Variants in DNAH7 observed in about 807,000 individuals in gnomAD.
DNAH7 encodes the protein dynein axonemal heavy chain 7, also known as axonemal beta dynein heavy chain 7.
In DNAH7, 397 loss-of-function variants were observed where a neutral mutation model predicts 444.6. The ratio of observed to expected loss-of-function variants is 0.89; its 90% CI spans 0.82 to 0.97. The LOEUF (loss-of-function observed/expected upper bound fraction) is 0.97, where lower values mean the gene tolerates loss of function less well. DNAH7 is among the 50% of genes least tolerant of loss of function. The pLI is 0.00. For synonymous variants in DNAH7, 1,636 were observed against 1,624.4 expected, an observed-to-expected ratio of 1.01 and a Z score of -0.17; for missense variants, 4,902 against 4,800.8, an observed-to-expected ratio of 1.02 and a Z score of -0.62.
chr2:196,028,556 A>G (rs1427919187), intron 5 of DNAH7, among the ~76,000 whole-genome samples: 1 of 152,198 alleles, frequency 6.6e-6, no homozygotes, highest in Non-Finnish European at 1.5e-5. Flanking sequence ...TGTATTTATT[A>G]TTGGGTATGT....
chr2:195,936,352 A>C (rs1236728839), intron 20 of DNAH7, among the ~76,000 whole-genome samples: 2 of 152,100 alleles, frequency 1.3e-5, no homozygotes, highest in Admixed American at 1.3e-4. Flanking sequence ...CCAGCCTGGG[A>C]AACAAGAGTG....
intron 40 of DNAH7, among the ~76,000 whole-genome samples, chr2:195,871,597 A>T (rs1018191046): frequency 2.1e-5 from 3 of 143,036 alleles, no homozygotes; most frequent in Non-Finnish European, 4.6e-5. Context: ...TAAGTAATGT[A>T]AAAAAAAAAA....
intron 59 of DNAH7, among the ~76,000 whole-genome samples, chr2:195,776,459 A>AG (rs773057596): frequency 2.6e-5 from 4 of 151,920 alleles, no homozygotes; most frequent in African/African-American, 9.7e-5. Flanking sequence ...AAAAGAAAAG[A>AG]GGAAAAAAAA....
chr2:195,796,497 T>G, intron 56 of DNAH7, 79 bp downstream of exon 56: 1 of 1,496,318 alleles, frequency 6.7e-7, no homozygotes, highest in Non-Finnish European at 9.1e-7. Flanking sequence ...TAGAGGGGAA[T>G]GGAGCTACCC....
At position 196,012,910 on chromosome 2, in the gene DNAH7, C is replaced by T. The variant is rs775948287; in HGVS notation, c.870-4G>A. 1.4e-6 allele frequency: 2 copies of T among 1,473,030 alleles called. No homozygotes were observed. Among genetic ancestry groups the T allele is most frequent in the Non-Finnish European group, 1.8e-6 (2 of 1,108,544 alleles). 91.2% of individuals were successfully genotyped at this position (1,473,030 alleles called of 1,614,324 possible). A position where few individuals can be genotyped will look rare whatever the true frequency, so the allele number is the denominator to read the frequency against. On this transcript the variant is annotated splice_region_variant and splice_polypyrimidine_tract_variant and intron_variant, in intron 9 of 64. Transcript: ENST00000312428. ...GATATCAACTAAACGTAATTTTCTG[C>T]AAAAGATAAAAATAAACAGTAATTT...
chr2:196,047,911 A>C (rs1435654442), intron 4 of DNAH7, among the ~76,000 whole-genome samples: 2 of 152,228 alleles, frequency 1.3e-5, no homozygotes, highest in Admixed American at 6.5e-5. Context: ...AATAATAAAA[A>C]CATTAAAATG....
intron 61 of DNAH7, among the ~76,000 whole-genome samples, chr2:195,767,169 T>C (rs972377743): frequency 1.3e-5 from 2 of 152,150 alleles, no homozygotes; most frequent in African/African-American, 4.8e-5. Context: ...TAAATTTTCA[T>C]TTAAATTTTT....
chr2:195,740,615 GTATATATATATA>G (rs1238331047), intron 64 of DNAH7, 139 bp downstream of exon 64: 1,368 of 71,438 alleles, frequency 0.019, 21 homozygotes, highest in African/African-American at 0.066. Flanking sequence ...GTGTGTGTGT[GTATATATATATA>G]TATATATATA....
intron 20 of DNAH7, among the ~76,000 whole-genome samples, chr2:195,935,752 G>A (rs1435460293): frequency 6.6e-6 from 1 of 152,102 alleles, no homozygotes; most frequent in African/African-American, 2.4e-5. Context: ...GTCAGGGAGG[G>A]CCTCCCTGAA....
intron 54 of DNAH7, among the ~76,000 whole-genome samples, chr2:195,802,256 A>G (rs1312817158): frequency 1.3e-5 from 2 of 152,196 alleles, no homozygotes; most frequent in Non-Finnish European, 2.9e-5. Context: ...CACACCTGTG[A>G]TCCCAGCACT....
intron 9 of DNAH7, 129 bp downstream of exon 9, chr2:196,019,041 T>G: frequency 9.6e-7 from 1 of 1,042,738 alleles, no homozygotes; most frequent in Non-Finnish European, 1.3e-6. Context: ...TTTAAAACCA[T>G]GTTTGAATAC....
chr2:195,922,143 A>G lies in DNAH7; in HGVS notation c.3880T>C (p.Tyr1294His). 3 of 1,613,572 alleles carry G rather than the reference A, an allele frequency of 1.9e-6. No homozygotes were observed. The highest frequency in any genetic ancestry group is 2.5e-6 in the Non-Finnish European group (3 of 1,179,482). Residue 1294 changes from tyrosine to histidine, a missense_variant, in exon 24 of 65, where the codon TAT (tyrosine) becomes CAT (histidine). Coordinates refer to ENST00000312428, the MANE Select transcript of DNAH7 (RefSeq NM_018897.3). ...ACCAGCCTAGGGGAATTACCCAGATATTCATATCCATATCGCAAACCAGCA... is the reference window on the plus strand; with the variant it reads ...ACCAGCCTAGGGGAATTACCCAGATGTTCATATCCATATCGCAAACCAGCA... Reference protein sequence around the residue: ...INAGLRYGYEYLGNSPRLVIT... With the variant: ...INAGLRYGYEHLGNSPRLVIT...
intron 17 of DNAH7, among the ~76,000 whole-genome samples, chr2:195,969,478 G>C (rs1260464874): frequency 2.0e-5 from 3 of 152,148 alleles, no homozygotes; most frequent in Non-Finnish European, 2.9e-5. Flanking sequence ...TGAAAAAGCT[G>C]ATTTCTGAAA....
chr2:196,045,458 A>C (rs995426229), intron 5 of DNAH7, among the ~76,000 whole-genome samples: 1 of 152,100 alleles, frequency 6.6e-6, no homozygotes, highest in Admixed American at 6.5e-5. Context: ...CCCAGAAATG[A>C]GGAGTGGAAT....
rs1271024398 is a variant in DNAH7, at chr2:195,792,690, AATAAG to A, written c.10716+1643_10716+1647del. ...TTATTAAAAGTAATAACTGTACCAG[AATAAG>A]ATAATATCCCTATTCTTACAAAATT... is the stretch of plus-strand genomic sequence containing the variant. On this transcript the variant is annotated intron_variant, in intron 57 of 64. Transcript: ENST00000312428. Among the ~76,000 whole-genome samples, 9 of 152,288 alleles carry A rather than the reference AATAAG, an allele frequency of 5.9e-5. No homozygotes were observed. In the East Asian group the frequency reaches 1.4e-3, roughly 23 times the overall value.
At chr2:195,920,182 G>A (rs1687939076) in intron 24 of DNAH7, among the ~76,000 whole-genome samples, 2 of 151,886 alleles carry the variant, frequency 1.3e-5, no homozygotes, top group African/African-American at 4.8e-5. Context: ...AAATGCCATG[G>A]TCATACTTCA....
Position 196,005,211 on chromosome 2 carries a change from T to A in DNAH7, c.990-3353A>T, listed in dbSNP as rs374458057. Among the ~76,000 whole-genome samples the A allele has an allele frequency of 2.6e-5, 4 of 151,728 alleles. 1 individual carries two copies. Reference sequence around the variant, plus strand: ...ATGGCATGAACCCGGGAGGCAGAGCTTGCGGTGAGCCAAGATGGCACCACT... The same window carrying A: ...ATGGCATGAACCCGGGAGGCAGAGCATGCGGTGAGCCAAGATGGCACCACT... On this transcript the variant is annotated intron_variant, in intron 10 of 64. Coordinates refer to ENST00000312428, the MANE Select transcript of DNAH7 (RefSeq NM_018897.3).
chr2:196,011,364 T>G (rs1277215425), intron 10 of DNAH7, among the ~76,000 whole-genome samples: 1 of 152,048 alleles, frequency 6.6e-6, no homozygotes, highest in Non-Finnish European at 1.5e-5. Context: ...GGCAGAAGAA[T>G]TCATGAAATT....
intron 58 of DNAH7, among the ~76,000 whole-genome samples, chr2:195,779,806 A>G (rs574620614): frequency 1.3e-5 from 2 of 152,178 alleles, no homozygotes; most frequent in Admixed American, 1.3e-4. Flanking sequence ...GGGTTTCACC[A>G]TGTTGCCCAG....
Sources: allele counts gnomAD v4.1 joint callset (sites outside exome capture counted in the v4.1 genomes callset), GRCh38; gene constraint gnomAD v4.1.1; transcripts MANE v1.5; gene names NCBI Gene and HGNC (gene_info 2026-07-23, HGNC 2026-07-21).